HNRNPA3: variants seen among roughly 807,000 people sequenced by gnomAD.
HNRNPA3 encodes the protein epididymis secretory sperm binding protein.
Under a neutral mutation model 45.8 loss-of-function variants are expected in HNRNPA3, and 3 were observed. The observed-to-expected ratio is 0.07, with a 90% confidence interval of 0.03 to 0.17. The LOEUF (loss-of-function observed/expected upper bound fraction) is 0.17. Among genes scored for constraint, HNRNPA3 ranks in the 10% least tolerant of loss-of-function variants. The pLI is 1.00. For synonymous variants in HNRNPA3, 170 were observed against 155.6 expected (o/e 1.09, Z -0.69); for missense variants, 183 against 480.3 (o/e 0.38, Z 5.79).
At chr2:177,218,698 A>G (rs1324619739) in intron 8 of HNRNPA3, among the ~76,000 whole-genome samples, 2 of 152,232 alleles carry the variant, frequency 1.3e-5, no homozygotes, top group Non-Finnish European at 2.9e-5. Context: ...TATTGGACCT[A>G]ATTAACATGT....
downstream of HNRNPA3, chr2:177,222,655 T>C (rs1689233583): frequency 1.3e-5 from 2 of 152,024 alleles, no homozygotes; most frequent in African/African-American, 4.8e-5. Context: ...AATAGAAAAA[T>C]TAGTTGGGCT....
At chr2:177,218,907 C>A in intron 8 of HNRNPA3, 130 bp from the exon 9 acceptor site, 1 of 1,088,604 alleles carries the variant, frequency 9.2e-7, no homozygotes, top group Non-Finnish European at 1.3e-6. Context: ...TCAGTTACCC[C>A]AAGTGGTGCT....
chr2:177,218,878 G>A (rs1415661306), intron 8 of HNRNPA3, among the ~76,000 whole-genome samples, 159 bp from the exon 9 acceptor site: 1 of 152,232 alleles, frequency 6.6e-6, no homozygotes, highest in Non-Finnish European at 1.5e-5. Flanking sequence ...AATGTTGATG[G>A]TCTTTTAATA....
At chr2:177,221,144 A>AAAC, downstream of HNRNPA3, 1 of 152,790 alleles carries the variant, frequency 6.5e-6, no homozygotes, top group African/African-American at 2.4e-5. Flanking sequence ...TAAATGTAAC[A>AAAC]GACATTCCAT....
At chr2:177,217,585 C>A in intron 7 of HNRNPA3, 120 bp from the exon 8 acceptor site, 2 of 1,206,242 alleles carry the variant, frequency 1.7e-6, no homozygotes, top group Non-Finnish European at 1.2e-6. Context: ...TGTGGTTGCA[C>A]CACTGTACTT....
intron 7 of HNRNPA3, among the ~76,000 whole-genome samples, chr2:177,217,451 A>AT (rs1688991008): frequency 6.6e-6 from 1 of 152,226 alleles, no homozygotes; most frequent in South Asian, 2.1e-4. Flanking sequence ...TCTGAGCAAC[A>AT]TAAGGAGACC....
chr2:177,213,568 CTGATA>C (rs1688784984), intron 1 of HNRNPA3, among the ~76,000 whole-genome samples: 1 of 152,188 alleles, frequency 6.6e-6, no homozygotes, highest in Admixed American at 6.5e-5. Flanking sequence ...AAAATACTTC[CTGATA>C]TATTTTTGCT....
exon 8 of HNRNPA3, chr2:177,217,844 T>C (rs781436682): frequency 1.3e-6 from 2 of 1,572,882 alleles, no homozygotes; most frequent in African/African-American, 2.7e-5. Context: ...ATTTTGGCGG[T>C]GGTAAGCATT....
At chr2:177,223,958 GAGTGAGCCTTTATC>G (rs1689301950), downstream of HNRNPA3, 1 of 152,194 alleles carries the variant, frequency 6.6e-6, no homozygotes, top group Non-Finnish European at 1.5e-5. Flanking sequence ...AGGAAACTTG[GAGTGAGCCTTTATC>G]AGTTATTTTT....
At chr2:177,214,553 T>C (rs1248039994) in intron 1 of HNRNPA3, among the ~76,000 whole-genome samples, 1 of 152,190 alleles carries the variant, frequency 6.6e-6, no homozygotes, top group Non-Finnish European at 1.5e-5. Context: ...TCTAGCACTT[T>C]GGGAGGCCGA....
At position 177,219,025 on chromosome 2, in the gene HNRNPA3, TTC is replaced by T; in HGVS notation, c.962-10_962-9del. ...TGTAGGTAAACCACACATAAAACCTTTCTGATTTCAGGTAACTATGGTGGTGG... is the reference window on the plus strand; with the variant it reads ...TGTAGGTAAACCACACATAAAACCTTTGATTTCAGGTAACTATGGTGGTGG... On this transcript the variant is annotated splice_polypyrimidine_tract_variant and intron_variant, in intron 8 of 10. Coordinates refer to ENST00000392524, the Ensembl canonical transcript of HNRNPA3. 1.2e-6 allele frequency: 2 copies of T among 1,612,424 alleles called. No homozygotes were observed. Among genetic ancestry groups the T allele is most frequent in the Non-Finnish European group, 1.7e-6 (2 of 1,179,674 alleles).
chr2:177,217,685 G>T lies in HNRNPA3; in HGVS notation c.821-20G>T. On this transcript the variant is annotated intron_variant, in intron 7 of 10. Transcript: ENST00000392524. ...TACACTTAAGTTTTTGTGTGGTCTT[G>T]TTATTTGTTGTTTTTTTAGGTGGCA... The T allele has an allele frequency of 6.2e-7, 1 of 1,612,104 alleles. No homozygotes were observed. Among genetic ancestry groups the T allele is most frequent in the Non-Finnish European group, 8.5e-7 (1 of 1,179,760 alleles).
intron 1 of HNRNPA3, among the ~76,000 whole-genome samples, chr2:177,214,598 A>G (rs1361670699): frequency 6.6e-6 from 1 of 152,168 alleles, no homozygotes; most frequent in Non-Finnish European, 1.5e-5. Context: ...GATCGAGACC[A>G]TTCTGGCTAA....
chr2:177,216,800 A>G (rs771750374), intron 6 of HNRNPA3, 29 bp downstream of exon 6: 1 of 1,613,522 alleles, frequency 6.2e-7, no homozygotes, highest in Admixed American at 1.7e-5. Context: ...AAGTACATGG[A>G]TACCTGACAT....
chr2:177,220,148 A>G (rs892848989), downstream of HNRNPA3: 2 of 152,692 alleles, frequency 1.3e-5, no homozygotes, highest in African/African-American at 2.4e-5. Context: ...GTTTTTGTGC[A>G]TTTTCTTTTA....
At chr2:177,218,312 T>C (rs1361758819) in intron 8 of HNRNPA3, among the ~76,000 whole-genome samples, 1 of 152,182 alleles carries the variant, frequency 6.6e-6, no homozygotes, top group African/African-American at 2.4e-5. Flanking sequence ...TCTGCCCGCT[T>C]CTGCCTCCCA....
In HNRNPA3 at chr2:177,215,906, TAA is replaced by T. The variant is rs781575100; in HGVS notation, c.342+11_342+12del. 1 of 1,597,020 alleles carries T rather than the reference TAA, an allele frequency of 6.3e-7. No homozygotes were observed. Among genetic ancestry groups the T allele is most frequent in the East Asian group, 2.2e-5 (1 of 44,830 alleles). ...AGCTGTTTCTAGAGAGGTATTTTAA[TAA>T]TACATTGTGTAATATGTGAAATTGT... On this transcript the variant is annotated intron_variant, in intron 3 of 10. Transcript: ENST00000392524.
downstream of HNRNPA3, chr2:177,223,789 T>C (rs1222684021): frequency 6.6e-6 from 1 of 152,270 alleles, no homozygotes; most frequent in African/African-American, 2.4e-5. Context: ...GATTCAGATG[T>C]TTCATTTGTA....
intron 4 of HNRNPA3, 72 bp from the exon 5 acceptor site, chr2:177,216,431 A>C: frequency 9.5e-7 from 1 of 1,057,334 alleles, no homozygotes; most frequent in Non-Finnish European, 1.4e-6. Flanking sequence ...ATAATGACAG[A>C]GGGTATCTCA....
Sources: gnomAD v4.1 joint callset for allele counts (sites outside exome capture counted in the v4.1 genomes callset) on GRCh38, gnomAD v4.1.1 for gene constraint, MANE v1.5 for transcripts, NCBI Gene and HGNC (gene_info 2026-07-23, HGNC 2026-07-21) for gene names.